Variants in PTPRD observed in about 807,000 individuals in gnomAD.
PTPRD encodes protein tyrosine phosphatase receptor type D, also known as receptor-type tyrosine-protein phosphatase delta.
PTPRD carries 34 observed loss-of-function variants against 214.5 expected under a neutral mutation model. The ratio of observed to expected loss-of-function variants is 0.16; its 90% CI spans 0.12 to 0.21. PTPRD has a LOEUF of 0.21. Among genes scored for constraint, PTPRD ranks in the 10% least tolerant of loss-of-function variants. The pLI, the probability that PTPRD is intolerant of heterozygous loss-of-function variation, is 1.00. For synonymous variants in PTPRD, 1,128 were observed against 845.7 expected (o/e 1.33, Z -5.79); for missense variants, 2,545 against 2,398.7 (o/e 1.06, Z -1.27).
At chr9:8,742,596 A>G (rs987146001) in intron 11 of PTPRD, among the ~76,000 whole-genome samples, 1 of 152,204 alleles carries the variant, frequency 6.6e-6, no homozygotes, top group African/African-American at 2.4e-5. Context: ...CATAGTACGG[A>G]AAAGTCTGGC....
intron 2 of PTPRD, among the ~76,000 whole-genome samples, chr9:10,481,035 AC>A (rs1218414875): frequency 9.4e-6 from 1 of 106,646 alleles, no homozygotes; most frequent in Non-Finnish European, 2.2e-5. Context: ...CTCATTTGGT[AC>A]TTTTTTTTTT....
chr9:9,726,881 A>G (rs922688104), intron 7 of PTPRD, among the ~76,000 whole-genome samples: 8 of 152,208 alleles, frequency 5.3e-5, no homozygotes, highest in Admixed American at 3.3e-4. Flanking sequence ...TCAAGAACAC[A>G]TAATACTTGT....
intron 9 of PTPRD, among the ~76,000 whole-genome samples, chr9:9,326,352 A>C (rs1569567391): frequency 6.6e-6 from 1 of 152,138 alleles, no homozygotes; most frequent in Non-Finnish European, 1.5e-5. Flanking sequence ...AATTTTTTTC[A>C]AGAAGGGTTT....
chr9:10,480,043 G>A (rs2099087936), intron 2 of PTPRD, among the ~76,000 whole-genome samples: 1 of 152,062 alleles, frequency 6.6e-6, no homozygotes. Context: ...TTCTCATCCT[G>A]GTGAAAGTAT....
chr9:10,388,263 T>C (rs1278479083), intron 2 of PTPRD, among the ~76,000 whole-genome samples: 1 of 151,812 alleles, frequency 6.6e-6, no homozygotes, highest in Non-Finnish European at 1.5e-5. Context: ...TAGCTTTATA[T>C]AGAATCTGGA....
chr9:8,945,274 G>A (rs1178970356), intron 11 of PTPRD, among the ~76,000 whole-genome samples: 2 of 151,796 alleles, frequency 1.3e-5, no homozygotes, highest in Non-Finnish European at 2.9e-5. Context: ...CCCACTTAAG[G>A]CCTGAATTAT....
chr9:8,331,119 A>G (rs909239180), intron 44 of PTPRD, among the ~76,000 whole-genome samples: 4 of 152,156 alleles, frequency 2.6e-5, no homozygotes, highest in African/African-American at 9.6e-5. Flanking sequence ...AGCAAATTGC[A>G]TTTTTTAACT....
At chr9:9,737,062 T>A (rs1255605530) in intron 6 of PTPRD, among the ~76,000 whole-genome samples, 4 of 152,270 alleles carry the variant, frequency 2.6e-5, no homozygotes, top group African/African-American at 9.6e-5. Context: ...TCACGTCTAA[T>A]CCAAAAATCT....
chr9:10,218,346 G>T (rs1312285884), intron 3 of PTPRD, among the ~76,000 whole-genome samples: 1 of 151,886 alleles, frequency 6.6e-6, no homozygotes, highest in Non-Finnish European at 1.5e-5. Context: ...CACCCAAGAG[G>T]TTTGAAAGAA....
chr9:9,057,680 T>C (rs528482453), intron 10 of PTPRD, among the ~76,000 whole-genome samples: 8 of 152,086 alleles, frequency 5.3e-5, no homozygotes, highest in African/African-American at 1.9e-4. Flanking sequence ...TCAAGTAATA[T>C]GAGAAAGGTG....
At chr9:8,440,940 G>C (rs1352762920) in intron 34 of PTPRD, among the ~76,000 whole-genome samples, 1 of 152,184 alleles carries the variant, frequency 6.6e-6, no homozygotes, top group East Asian at 1.9e-4. Context: ...CATAAGCCCA[G>C]ACAGTAAATA....
At chr9:8,666,176 TG>T (rs2097167098) in intron 12 of PTPRD, among the ~76,000 whole-genome samples, 1 of 152,150 alleles carries the variant, frequency 6.6e-6, no homozygotes. Flanking sequence ...CAATTTAAAT[TG>T]AAGATTTTTT....
chr9:8,710,476 A>G (rs1372539377), intron 12 of PTPRD, among the ~76,000 whole-genome samples: 6 of 151,892 alleles, frequency 4.0e-5, no homozygotes, highest in Non-Finnish European at 8.8e-5. Context: ...ATTAGCAAGG[A>G]ATGGTGGCAG....
intron 5 of PTPRD, among the ~76,000 whole-genome samples, chr9:9,927,984 T>A (rs967571362): frequency 3.0e-5 from 4 of 132,594 alleles, no homozygotes; most frequent in Non-Finnish European, 5.0e-5. Flanking sequence ...ACATAAAACT[T>A]GTTTTTATGT....
chr9:9,939,234 G>C (rs1222281857), intron 4 of PTPRD, among the ~76,000 whole-genome samples: 1 of 152,180 alleles, frequency 6.6e-6, no homozygotes, highest in Non-Finnish European at 1.5e-5. Context: ...CCATAGAGCA[G>C]GGCTCCTGTA....
intron 10 of PTPRD, among the ~76,000 whole-genome samples, chr9:9,031,395 CT>C (rs1236514959): frequency 6.6e-6 from 1 of 151,966 alleles, no homozygotes; most frequent in Non-Finnish European, 1.5e-5. Flanking sequence ...GCATAGCCCA[CT>C]ACACAACTCG....
intron 12 of PTPRD, among the ~76,000 whole-genome samples, chr9:8,712,772 G>A (rs980371640): frequency 6.6e-6 from 1 of 152,184 alleles, no homozygotes; most frequent in Non-Finnish European, 1.5e-5. Flanking sequence ...AGGCTGGAGT[G>A]CAGTGGCACG....
At chr9:8,362,790 A>G (rs1398123566) in intron 39 of PTPRD, among the ~76,000 whole-genome samples, 3 of 152,234 alleles carry the variant, frequency 2.0e-5, no homozygotes, top group African/African-American at 4.8e-5. Context: ...CTACAGAGCT[A>G]TAACTTCAGT....
At chr9:9,885,310 A>G (rs2070428757) in intron 5 of PTPRD, among the ~76,000 whole-genome samples, 1 of 152,122 alleles carries the variant, frequency 6.6e-6, no homozygotes. Context: ...GATAAGGCCA[A>G]CGTGAGATAA....
Sources: gnomAD v4.1 joint callset for allele counts (sites outside exome capture counted in the v4.1 genomes callset) on GRCh38, gnomAD v4.1.1 for gene constraint, MANE v1.5 for transcripts, NCBI Gene and HGNC (gene_info 2026-07-23, HGNC 2026-07-21) for gene names.